Variants in NMNAT2 observed in about 807,000 individuals in gnomAD.
NMNAT2 encodes nicotinamide nucleotide adenylyltransferase 2.
In NMNAT2, 11 loss-of-function variants were observed where a neutral mutation model predicts 41.6. The ratio of observed to expected loss-of-function variants is 0.26; its 90% CI spans 0.17 to 0.44. The LOEUF (loss-of-function observed/expected upper bound fraction) is 0.44. NMNAT2 is among the 20% of genes least tolerant of loss of function. The pLI, the probability that NMNAT2 is intolerant of heterozygous loss-of-function variation, is 1.00. For synonymous variants in NMNAT2, 148 were observed against 151.2 expected (o/e 0.98, Z 0.16); for missense variants, 288 against 407.7 (o/e 0.71, Z 2.53).
intron 1 of NMNAT2, among the ~76,000 whole-genome samples, chr1:183,333,594 G>C (rs1295589149): frequency 6.6e-6 from 1 of 152,206 alleles, no homozygotes; most frequent in Non-Finnish European, 1.5e-5. Context: ...TTCTCCCCTA[G>C]AGCCTCTAAA....
chr1:183,315,813 T>C (rs1177984703), intron 1 of NMNAT2, among the ~76,000 whole-genome samples: 7 of 148,682 alleles, frequency 4.7e-5, no homozygotes, highest in South Asian at 2.1e-4. Flanking sequence ...ATGCCTAATG[T>C]AGATGACAGG....
At chr1:183,405,957 C>T (rs1227836082) in intron 1 of NMNAT2, among the ~76,000 whole-genome samples, 1 of 152,128 alleles carries the variant, frequency 6.6e-6, no homozygotes, top group Non-Finnish European at 1.5e-5. Flanking sequence ...GACAATACAC[C>T]AGTTAGATTT....
chr1:183,339,546 T>C (rs924242999), intron 1 of NMNAT2, among the ~76,000 whole-genome samples: 7 of 151,826 alleles, frequency 4.6e-5, no homozygotes, highest in African/African-American at 1.7e-4. Flanking sequence ...ATCCCAGAGC[T>C]GAAGGTCCTT....
At chr1:183,291,435 C>A (rs1661538408) in intron 3 of NMNAT2, among the ~76,000 whole-genome samples, 1 of 152,180 alleles carries the variant, frequency 6.6e-6, no homozygotes, top group Non-Finnish European at 1.5e-5. Context: ...ACAAACACTT[C>A]ACCTGGCTAA....
intron 1 of NMNAT2, among the ~76,000 whole-genome samples, chr1:183,365,392 T>A (rs1663393638): frequency 6.6e-6 from 1 of 152,002 alleles, no homozygotes; most frequent in Non-Finnish European, 1.5e-5. Flanking sequence ...TAGGAAAATG[T>A]ATGCCAATAG....
intron 1 of NMNAT2, among the ~76,000 whole-genome samples, chr1:183,416,330 A>G (rs965848104): frequency 2.6e-5 from 4 of 152,198 alleles, no homozygotes; most frequent in East Asian, 1.9e-4. Context: ...CCCCAGCCCA[A>G]TGGCTCTTCC....
chr1:183,325,055 C>T, intron 1 of NMNAT2, among the ~76,000 whole-genome samples: 1 of 152,184 alleles, frequency 6.6e-6, no homozygotes, highest in East Asian at 1.9e-4. Context: ...AGAAGTCACA[C>T]CAAATTGTGT....
intron 1 of NMNAT2, among the ~76,000 whole-genome samples, chr1:183,384,873 T>C (rs980003556): frequency 1.3e-5 from 2 of 151,978 alleles, no homozygotes; most frequent in Admixed American, 6.6e-5. Flanking sequence ...ATATTGTATA[T>C]ATACTATGAC....
intron 8 of NMNAT2, among the ~76,000 whole-genome samples, chr1:183,274,043 G>A (rs1661062467): frequency 6.6e-6 from 1 of 151,912 alleles, no homozygotes; most frequent in African/African-American, 2.4e-5. Flanking sequence ...CACCGGAGTA[G>A]CTGGGATTAC....
chr1:183,344,855 TTAGTGATGATG>T (rs1325210719), intron 1 of NMNAT2, among the ~76,000 whole-genome samples: 1 of 151,672 alleles, frequency 6.6e-6, no homozygotes, highest in African/African-American at 2.4e-5. Context: ...TACCACATAG[TTAGTGATGATG>T]TAGCTTAGAT....
intron 1 of NMNAT2, among the ~76,000 whole-genome samples, chr1:183,399,294 A>G (rs1249260575): frequency 1.3e-5 from 2 of 152,220 alleles, no homozygotes; most frequent in Non-Finnish European, 2.9e-5. Context: ...CTCTACACAA[A>G]TAAACTAGAA....
At chr1:183,324,159 C>T (rs964051729) in intron 1 of NMNAT2, among the ~76,000 whole-genome samples, 2 of 152,098 alleles carry the variant, frequency 1.3e-5, no homozygotes, top group African/African-American at 4.8e-5. Context: ...TACCAAGGTG[C>T]ATGAATGCAG....
At chr1:183,366,573 G>T (rs555310673) in intron 1 of NMNAT2, among the ~76,000 whole-genome samples, 7 of 152,304 alleles carry the variant, frequency 4.6e-5, no homozygotes, top group Non-Finnish European at 1.0e-4. Flanking sequence ...TGTTGGTATT[G>T]CAGGAAATGT....
rs1354511517 is a variant in NMNAT2 at position 183,286,562 on chromosome 1, C to T, written c.448+100G>A. 3 of 995,406 alleles carry T rather than the reference C, an allele frequency of 3.0e-6. No homozygotes were observed. In the East Asian group the frequency reaches 7.6e-5, roughly 25 times the overall value. 61.7% of individuals were successfully genotyped at this position (995,406 alleles called of 1,614,324 possible). On this transcript the variant is annotated intron_variant, in intron 5 of 10. Transcript: ENST00000287713. ...TACAAGTCCTCTTTCCCCTCTCAGA[C>T]CTACTGAATCAAGTTCTGGGTGGAT... is the stretch of plus-strand genomic sequence containing the variant.
intron 3 of NMNAT2, among the ~76,000 whole-genome samples, chr1:183,291,552 G>A (rs923484656): frequency 6.6e-6 from 1 of 152,144 alleles, no homozygotes; most frequent in Non-Finnish European, 1.5e-5. Flanking sequence ...TTCCAACTTA[G>A]AGCAGCCCAG....
chr1:183,331,933 G>A (rs533003335), intron 1 of NMNAT2, among the ~76,000 whole-genome samples: 5 of 152,226 alleles, frequency 3.3e-5, no homozygotes, highest in Non-Finnish European at 5.9e-5. Flanking sequence ...CTAGGTGCTC[G>A]CCACCACGCC....
At chr1:183,293,838 G>T (rs765491811) in intron 1 of NMNAT2, 45 bp from the exon 2 acceptor site, 1 of 1,356,732 alleles carries the variant, frequency 7.4e-7, no homozygotes, top group Admixed American at 1.7e-5. Flanking sequence ...GGAAAGGCAT[G>T]GATTAAAGGT....
intron 1 of NMNAT2, among the ~76,000 whole-genome samples, chr1:183,319,809 T>C (rs1662323441): frequency 6.6e-6 from 1 of 152,218 alleles, no homozygotes; most frequent in South Asian, 2.1e-4. Context: ...GAGAGTGGGA[T>C]GCAACTTAAG....
chr1:183,410,844 A>G (rs1334498036), intron 1 of NMNAT2, among the ~76,000 whole-genome samples: 4 of 151,660 alleles, frequency 2.6e-5, no homozygotes, highest in Admixed American at 6.6e-5. Flanking sequence ...CAGCCTCCCA[A>G]GTAGCTGGGA....
Sources: gnomAD v4.1 joint callset for allele counts (sites outside exome capture counted in the v4.1 genomes callset) on GRCh38, gnomAD v4.1.1 for gene constraint, MANE v1.5 for transcripts, NCBI Gene and HGNC (gene_info 2026-07-23, HGNC 2026-07-21) for gene names.